Variants in MTA3 observed in about 807,000 individuals in gnomAD.
MTA3 encodes metastasis-associated protein MTA3.
MTA3 carries 34 observed loss-of-function variants against 83.5 expected under a neutral mutation model. The observed-to-expected ratio is 0.41, with a 90% CI of 0.31 to 0.54. The LOEUF (loss-of-function observed/expected upper bound fraction) is 0.54, where lower values mean the gene tolerates loss of function less well. Among genes scored for constraint, MTA3 ranks in the 20% least tolerant of loss-of-function variants. The pLI, the probability that MTA3 is intolerant of heterozygous loss-of-function variation, is 0.33. For synonymous variants in MTA3, 303 were observed against 252.7 expected (o/e 1.20, Z -1.89); for missense variants, 761 against 726.4 (o/e 1.05, Z -0.55).
intron 2 of MTA3, among the ~76,000 whole-genome samples, chr2:42,538,727 G>A (rs78891329): frequency 4.3e-4 from 57 of 132,470 alleles, no homozygotes; most frequent in East Asian, 1.1e-3. Flanking sequence ...AAAAAAAAAA[G>A]AAAAAGAAAA....
intron 14 of MTA3, among the ~76,000 whole-genome samples, chr2:42,717,903 T>G (rs1406578224): frequency 6.6e-6 from 1 of 152,212 alleles, no homozygotes; most frequent in East Asian, 1.9e-4. Flanking sequence ...CATTTCAATC[T>G]TACGTTAAGA....
intron 2 of MTA3, among the ~76,000 whole-genome samples, chr2:42,527,852 A>G (rs981956465): frequency 6.6e-5 from 10 of 151,336 alleles, no homozygotes; most frequent in South Asian, 2.1e-4. Context: ...AACAAGTGCT[A>G]TTTCTCGAAC....
intron 4 of MTA3, among the ~76,000 whole-genome samples, chr2:42,626,347 G>T (rs1053811268): frequency 6.6e-6 from 1 of 151,568 alleles, no homozygotes; most frequent in Non-Finnish European, 1.5e-5. Flanking sequence ...ACCCAGGCTG[G>T]AGTGCAGTGG....
chr2:42,640,342 T>C, intron 5 of MTA3, 106 bp downstream of exon 5: 2 of 765,542 alleles, frequency 2.6e-6, no homozygotes, highest in East Asian at 2.8e-5. Context: ...TCCACCATTA[T>C]ATTAATAGCA....
intron 8 of MTA3, among the ~76,000 whole-genome samples, chr2:42,666,403 A>G (rs1220700352): frequency 6.6e-6 from 1 of 152,218 alleles, no homozygotes; most frequent in African/African-American, 2.4e-5. Context: ...TGTAGTCAAC[A>G]AAACTATTGA....
intron 16 of MTA3, 198 bp downstream of exon 16, chr2:42,723,233 T>C: frequency 1.6e-6 from 1 of 621,924 alleles, no homozygotes. Context: ...CAGGAGGTAC[T>C]TATTTGCTCC....
chr2:42,612,152 G>T (rs574037975), intron 4 of MTA3, among the ~76,000 whole-genome samples: 4 of 151,980 alleles, frequency 2.6e-5, no homozygotes, highest in Admixed American at 6.5e-5. Context: ...CAAAGAGATG[G>T]AACATAAAAA....
At chr2:42,597,919 C>T (rs1682028099) in intron 3 of MTA3, among the ~76,000 whole-genome samples, 4 of 151,620 alleles carry the variant, frequency 2.6e-5, no homozygotes, top group South Asian at 4.2e-4. Context: ...TGGGGTGAAG[C>T]GATCTGCCCA....
At chr2:42,713,003 CTGA>C (rs1558611520) in intron 14 of MTA3, among the ~76,000 whole-genome samples, 2 of 152,178 alleles carry the variant, frequency 1.3e-5, no homozygotes, top group Non-Finnish European at 2.9e-5. Context: ...ATCCAAACAC[CTGA>C]TGCACACAGG....
upstream of MTA3, among the ~76,000 whole-genome samples, chr2:42,566,701 C>A (rs767828743): frequency 6.6e-5 from 10 of 152,114 alleles, no homozygotes; most frequent in Admixed American, 1.3e-4. Flanking sequence ...GAGACAGGCA[C>A]ACAATGAATT....
chr2:42,713,124 G>A (rs958796523), intron 14 of MTA3, among the ~76,000 whole-genome samples: 9 of 152,180 alleles, frequency 5.9e-5, no homozygotes, highest in Non-Finnish European at 1.2e-4. Context: ...AAGTAAATCC[G>A]GATGATTTGC....
At chr2:42,654,545 A>G (rs973605800) in intron 6 of MTA3, among the ~76,000 whole-genome samples, 3 of 152,178 alleles carry the variant, frequency 2.0e-5, no homozygotes, top group Non-Finnish European at 4.4e-5. Context: ...CTCTTGTTCA[A>G]TAGTTATCCC....
At chr2:42,638,518 C>T (rs1000378676) in intron 4 of MTA3, among the ~76,000 whole-genome samples, 1 of 151,714 alleles carries the variant, frequency 6.6e-6, no homozygotes, top group African/African-American at 2.4e-5. Context: ...GTAGCTGGGA[C>T]TATGCCCTGC....
chr2:42,628,084 A>G (rs1380280003), intron 4 of MTA3, among the ~76,000 whole-genome samples: 2 of 151,596 alleles, frequency 1.3e-5, no homozygotes, highest in Non-Finnish European at 2.9e-5. Context: ...AGGTTTCACC[A>G]TGTTGGCCAG....
intron 16 of MTA3, among the ~76,000 whole-genome samples, chr2:42,724,267 A>T (rs983530036): frequency 1.9e-5 from 2 of 105,428 alleles, no homozygotes; most frequent in African/African-American, 6.8e-5. Context: ...GTATAAAGTA[A>T]GTCCTGAAAA....
intron 2 of MTA3, among the ~76,000 whole-genome samples, chr2:42,541,643 A>G (rs1387374751): frequency 6.6e-6 from 1 of 152,104 alleles, no homozygotes; most frequent in Non-Finnish European, 1.5e-5. Flanking sequence ...CTTACCATGG[A>G]TTTACCCAGT....
chr2:42,743,391 C>T (rs1326727967), intron 16 of MTA3, among the ~76,000 whole-genome samples: 1 of 152,134 alleles, frequency 6.6e-6, no homozygotes, highest in Admixed American at 6.5e-5. Context: ...AATGACATGG[C>T]TTTTTGTCTC....
chr2:42,633,192 G>GAT (rs1333119356), intron 4 of MTA3, among the ~76,000 whole-genome samples: 9 of 151,966 alleles, frequency 5.9e-5, no homozygotes, highest in African/African-American at 2.2e-4. Context: ...GAACCTGGAA[G>GAT]GCAGAGGTTG....
intron 1 of MTA3, chr2:42,569,828 A>G (rs1019326585): frequency 6.6e-6 from 1 of 152,120 alleles, no homozygotes. Flanking sequence ...AAAGATGCTG[A>G]TATCACCCCC....
Sources: gnomAD v4.1 joint callset for allele counts (sites outside exome capture counted in the v4.1 genomes callset) on GRCh38, gnomAD v4.1.1 for gene constraint, MANE v1.5 for transcripts, NCBI Gene and HGNC (gene_info 2026-07-23, HGNC 2026-07-21) for gene names.